The following COL5A2 variants were observed in gnomAD, a reference collection of about 807,000 sequenced individuals.
COL5A2 encodes the protein collagen alpha-2(V) chain.
COL5A2 carries 23 observed loss-of-function variants against 208.2 expected under a neutral mutation model. The observed-to-expected ratio is 0.11, with a 90% CI of 0.08 to 0.16. COL5A2 has a LOEUF of 0.16. COL5A2 is among the 10% of genes least tolerant of loss of function. COL5A2 has a pLI of 1.00. For missense variants in COL5A2, 1,590 were observed against 1,956.4 expected, an observed-to-expected ratio of 0.81 and a Z score of 3.53; for synonymous variants, 625 against 628.5, an observed-to-expected ratio of 0.99 and a Z score of 0.08.
chr2:189,045,782 A>G lies in COL5A2; in HGVS notation c.3309+18T>C. ...TGGGTGTGCAAAACTGTCAGTGTGA[A>G]ATTGACTCCCTCCTTACCGGATCTC... On this transcript the variant is annotated intron_variant, in intron 46 of 53. Transcript: ENST00000374866. 6.2e-7 allele frequency: 1 copy of G among 1,606,106 alleles called. No homozygotes were observed. The highest frequency in any genetic ancestry group is 1.1e-5 in the South Asian group (1 of 90,918).
chr2:189,305,671 C>T, the COL5A2 span, among the ~76,000 whole-genome samples: 2 of 152,092 alleles, frequency 1.3e-5, no homozygotes, highest in African/African-American at 4.8e-5. Flanking sequence ...CTACTTATGC[C>T]ACCAAATGTC....
intron 1 of COL5A2, among the ~76,000 whole-genome samples, chr2:189,175,465 C>A (rs1688658912): frequency 6.6e-6 from 1 of 151,938 alleles, no homozygotes; most frequent in Non-Finnish European, 1.5e-5. Flanking sequence ...AAACCTCAGT[C>A]CCTGATGACT....
At chr2:189,109,035 T>C (rs1443383611) in intron 2 of COL5A2, among the ~76,000 whole-genome samples, 1 of 151,652 alleles carries the variant, frequency 6.6e-6, no homozygotes, top group East Asian at 1.9e-4. Context: ...TATAGCAATA[T>C]ATTTTCTGGT....
chr2:189,403,095 G>C, the COL5A2 span, among the ~76,000 whole-genome samples: 1 of 152,090 alleles, frequency 6.6e-6, no homozygotes, highest in African/African-American at 2.4e-5. Context: ...TTGAGCAGTG[G>C]TTTGTAGCTC....
upstream of COL5A2, among the ~76,000 whole-genome samples, chr2:189,182,008 G>T (rs1223676490): frequency 6.6e-6 from 1 of 152,058 alleles, no homozygotes; most frequent in African/African-American, 2.4e-5. Context: ...AAATCTTATT[G>T]CAATCAAGTC....
chr2:189,422,110 T>C, the COL5A2 span, among the ~76,000 whole-genome samples: 1 of 152,102 alleles, frequency 6.6e-6, no homozygotes, highest in African/African-American at 2.4e-5. Context: ...CATTATCACA[T>C]AGCCACAATG....
At chr2:189,343,150 C>T in the COL5A2 span, among the ~76,000 whole-genome samples, 1 of 151,870 alleles carries the variant, frequency 6.6e-6, no homozygotes, top group African/African-American at 2.4e-5. Flanking sequence ...GAATTTTCTG[C>T]TTGGTCTTAA....
chr2:189,036,640 A>G lies in COL5A2; in HGVS notation c.4089T>C (p.Gly1363=). 6.2e-7 allele frequency: 1 copy of G among 1,613,662 alleles called. No homozygotes were observed. Among genetic ancestry groups the G allele is most frequent in the Non-Finnish European group, 8.5e-7 (1 of 1,179,614 alleles). The change falls in exon 52 of 54, where the codon GGT becomes GGC. Residue 1363 remains glycine, a synonymous_variant. Transcript: ENST00000374866. ...KSPDNKPVWY[G]LDMNRGSQFA... ...CCTGAGACCCTCTGTTCATATCAAG[A>G]CCATACCAAACAGGTTTATTGTCAG...
the COL5A2 span, among the ~76,000 whole-genome samples, chr2:189,396,171 T>C: frequency 1.2e-4 from 18 of 152,156 alleles, no homozygotes; most frequent in Admixed American, 3.3e-4. Flanking sequence ...AGGATAAATA[T>C]GATAGCTGTA....
the COL5A2 span, among the ~76,000 whole-genome samples, chr2:189,296,417 A>G: frequency 1.3e-5 from 2 of 152,072 alleles, no homozygotes; most frequent in African/African-American, 4.8e-5. Flanking sequence ...TTCTACTAAC[A>G]TCTATGTCTG....
At chr2:189,047,376 C>T (rs962282962) in intron 45 of COL5A2, among the ~76,000 whole-genome samples, 38 of 152,252 alleles carry the variant, frequency 2.5e-4, no homozygotes, top group African/African-American at 9.1e-4. Flanking sequence ...ATGAGCGGGA[C>T]TTAGCCCAAG....
chr2:189,237,285 C>G, the COL5A2 span, among the ~76,000 whole-genome samples: 2 of 151,398 alleles, frequency 1.3e-5, no homozygotes, highest in Admixed American at 1.3e-4. Flanking sequence ...AGAAGTTATG[C>G]CACCCTTCCC....
intron 43 of COL5A2, 96 bp from the exon 44 acceptor site, chr2:189,049,550 C>T: frequency 2.3e-6 from 2 of 873,036 alleles, no homozygotes; most frequent in Non-Finnish European, 3.7e-6. Flanking sequence ...CTCTGGGCTC[C>T]TTCTATAATA....
chr2:189,225,868 T>C (rs779049226), upstream of COL5A2, among the ~76,000 whole-genome samples: 2 of 152,282 alleles, frequency 1.3e-5, no homozygotes, highest in South Asian at 2.1e-4. Flanking sequence ...TTAAATTACA[T>C]GAGTACAGAA....
intron 1 of COL5A2, among the ~76,000 whole-genome samples, chr2:189,191,152 C>CAAAAAAAAAAAAAAAA (rs1553526750): frequency 4.7e-5 from 1 of 21,058 alleles, no homozygotes; most frequent in African/African-American, 8.5e-5. Flanking sequence ...AAAAAAAAAA[C>CAAAAAAAAAAAAAAAA]AAAAAACAAA....
chr2:189,153,355 T>G (rs891173844), intron 1 of COL5A2, among the ~76,000 whole-genome samples: 8 of 152,130 alleles, frequency 5.3e-5, no homozygotes, highest in African/African-American at 1.9e-4. Flanking sequence ...TAACCTCCAT[T>G]CTACAGATGA....
At chr2:189,228,198 T>C (rs188718756), upstream of COL5A2, among the ~76,000 whole-genome samples, 164 of 151,800 alleles carry the variant, frequency 1.1e-3, no homozygotes, top group African/African-American at 3.5e-3. Context: ...AATAAATGCC[T>C]ACGTTAAAAA....
chr2:189,355,286 T>C, the COL5A2 span, among the ~76,000 whole-genome samples: 1 of 152,278 alleles, frequency 6.6e-6, no homozygotes, highest in Admixed American at 6.5e-5. Flanking sequence ...TCTGTAGATG[T>C]CTATTAGTTC....
At chr2:189,291,493 AT>A in the COL5A2 span, among the ~76,000 whole-genome samples, 1 of 152,098 alleles carries the variant, frequency 6.6e-6, no homozygotes, top group Non-Finnish European at 1.5e-5. Flanking sequence ...TATAGTTGAA[AT>A]TGATTATTTC....
Sources: gnomAD v4.1 joint callset for allele counts (sites outside exome capture counted in the v4.1 genomes callset) on GRCh38, gnomAD v4.1.1 for gene constraint, MANE v1.5 for transcripts, NCBI Gene and HGNC (gene_info 2026-07-23, HGNC 2026-07-21) for gene names.